Variants in PPP1R3A observed in about 807,000 individuals in gnomAD.
The protein encoded by PPP1R3A is protein phosphatase 1 regulatory subunit 3A, also known as RG1.
A neutral mutation model predicts 41.7 loss-of-function variants in PPP1R3A; 29 were observed. That is an observed-to-expected ratio of 0.70 (90% confidence interval 0.52 to 0.95). PPP1R3A has a LOEUF of 0.95. PPP1R3A is among the 40% of genes least tolerant of loss of function. PPP1R3A has a pLI of 0.00. For synonymous variants in PPP1R3A, 485 were observed against 453.4 expected (o/e 1.07, Z -0.89); for missense variants, 1,352 against 1,292.4 (o/e 1.05, Z -0.71).
At chr7:113,896,348 C>G (rs1033630226) in intron 1 of PPP1R3A, among the ~76,000 whole-genome samples, 2 of 151,686 alleles carry the variant, frequency 1.3e-5, no homozygotes, top group African/African-American at 4.8e-5. Flanking sequence ...CTCTTCAGCT[C>G]ATGGGTTTTA....
Position 113,887,476 on chromosome 7 carries a change from G to T in PPP1R3A, c.783-5156C>A, listed in dbSNP as rs143633055. On this transcript the variant is annotated intron_variant, in intron 1 of 3. Transcript: ENST00000284601. ...TCAATGAAGCTATAATGTGAAGATG[G>T]AAATAGACATATCAATAGGTAATTA... Among the ~76,000 whole-genome samples, 1,119 of 152,004 alleles carry T rather than the reference G, an allele frequency of 7.4e-3. 14 individuals carry two copies. Among genetic ancestry groups the T allele is most frequent in the African/African-American group, 0.025 (1,033 of 41,480 alleles).
intron 1 of PPP1R3A, among the ~76,000 whole-genome samples, chr7:113,917,474 A>C (rs563572740): frequency 9.9e-5 from 15 of 152,066 alleles, no homozygotes; most frequent in Admixed American, 5.9e-4. Flanking sequence ...GTTACTAATG[A>C]GGGGTCACAT....
intron 1 of PPP1R3A, among the ~76,000 whole-genome samples, chr7:113,892,836 CTT>C (rs1796916203): frequency 6.6e-6 from 1 of 151,996 alleles, no homozygotes; most frequent in South Asian, 2.1e-4. Flanking sequence ...TAAAAAATGT[CTT>C]TATATTCTTC....
At chr7:113,903,754 A>T (rs1361047407) in intron 1 of PPP1R3A, among the ~76,000 whole-genome samples, 1 of 151,714 alleles carries the variant, frequency 6.6e-6, no homozygotes, top group Admixed American at 6.6e-5. Context: ...AAAGCACAAA[A>T]TCTTCAGCCT....
chr7:113,918,383 A>G lies in PPP1R3A; in HGVS notation c.614T>C (p.Val205Ala). The change falls in exon 1 of 4, where the codon GTT (valine) becomes GCT (alanine). Residue 205 changes from valine (V) to alanine (A), a missense_variant. Coordinates refer to ENST00000284601, the MANE Select transcript of PPP1R3A (RefSeq NM_002711.4). ...VPPYQKDGSK[V>A]EFCIRYETSV... ...AGTTTCATAACGTATACAAAACTCA[A>G]CTTTACTGCCATCTTTTTGATAAGG... The G allele has an allele frequency of 3.1e-6, 5 of 1,613,478 alleles. No individual in the cohort carries two copies. Among genetic ancestry groups the G allele is most frequent in the Non-Finnish European group, 4.2e-6 (5 of 1,179,654 alleles).
At chr7:113,917,752 C>T (rs1026651845) in intron 1 of PPP1R3A, among the ~76,000 whole-genome samples, 8 of 151,928 alleles carry the variant, frequency 5.3e-5, no homozygotes, top group African/African-American at 1.9e-4. Flanking sequence ...TGAAGAAGTT[C>T]TTTGCAGCTT....
At chr7:113,891,940 G>C (rs1646783015) in intron 1 of PPP1R3A, among the ~76,000 whole-genome samples, 1 of 151,980 alleles carries the variant, frequency 6.6e-6, no homozygotes, top group Admixed American at 6.6e-5. Flanking sequence ...AAGCAGCAAA[G>C]TCTAACTCTG....
At chr7:113,888,979 C>A (rs748009798) in intron 1 of PPP1R3A, among the ~76,000 whole-genome samples, 1 of 152,152 alleles carries the variant, frequency 6.6e-6, no homozygotes, top group East Asian at 1.9e-4. Context: ...TCAAATATAA[C>A]AATAGTTCCC....
chr7:113,916,336 A>G (rs1200320271), intron 1 of PPP1R3A, among the ~76,000 whole-genome samples: 1 of 152,040 alleles, frequency 6.6e-6, no homozygotes, highest in Non-Finnish European at 1.5e-5. Flanking sequence ...TGTGAATCCA[A>G]TGATTACTGT....
intron 1 of PPP1R3A, among the ~76,000 whole-genome samples, chr7:113,894,609 G>C (rs537945694): frequency 6.6e-6 from 1 of 151,928 alleles, no homozygotes; most frequent in South Asian, 2.1e-4. Flanking sequence ...AAAATAATCA[G>C]TGTATTGTCA....
intron 1 of PPP1R3A, among the ~76,000 whole-genome samples, chr7:113,895,162 C>CT (rs1365009573): frequency 1.3e-5 from 2 of 151,940 alleles, no homozygotes; most frequent in South Asian, 2.1e-4. Flanking sequence ...CAAACTTCAA[C>CT]TTTTTTTCCC....
intron 1 of PPP1R3A, among the ~76,000 whole-genome samples, chr7:113,917,066 G>A (rs991367202): frequency 1.6e-4 from 24 of 151,984 alleles, no homozygotes; most frequent in Non-Finnish European, 2.5e-4. Context: ...ATTATTTATC[G>A]TTTAAAGCAC....
intron 3 of PPP1R3A, 125 bp from the exon 4 acceptor site, chr7:113,880,250 G>T: frequency 1.1e-6 from 1 of 934,770 alleles, no homozygotes; most frequent in Non-Finnish European, 1.6e-6. Context: ...GATTTCATTT[G>T]TGGATTTCAT....
In PPP1R3A at chr7:113,878,888, G is replaced by A. The variant is rs1364855740; in HGVS notation, c.2204C>T (p.Thr735Ile). Residue 735 changes from threonine (T) to isoleucine (I), a missense_variant, in exon 4 of 4, where the codon ACA becomes ATA. By Grantham distance (89) the Thr-to-Ile change is moderately conservative (BLOSUM62 -1). Coordinates refer to ENST00000284601, the MANE Select transcript of PPP1R3A (RefSeq NM_002711.4). ...AEAGTAYIIK[T>I]TSESTPESMS... ...GCTTTCTGGAGTACTTTCTGATGTT[G>A]TCTTAATTATATAGGCTGTACCAGC... The A allele has an allele frequency of 1.9e-6, 3 of 1,612,860 alleles. No homozygotes were observed. The highest frequency in any genetic ancestry group is 1.3e-5 in the African/African-American group (1 of 74,974).
At chr7:113,891,084 CAA>C (rs11342726) in intron 1 of PPP1R3A, among the ~76,000 whole-genome samples, 1,143 of 79,762 alleles carry the variant, frequency 0.014, 17 homozygotes, top group Middle Eastern at 0.033. Flanking sequence ...GGAAAAAAAG[CAA>C]AAAAAAAAAA....
chr7:113,917,915 T>A (rs1475066284), intron 1 of PPP1R3A, among the ~76,000 whole-genome samples: 2 of 152,134 alleles, frequency 1.3e-5, no homozygotes, highest in Non-Finnish European at 2.9e-5. Flanking sequence ...TATATGTGAA[T>A]AATCTAGATT....
intron 1 of PPP1R3A, among the ~76,000 whole-genome samples, chr7:113,905,954 C>G (rs1433220993): frequency 6.6e-6 from 1 of 151,646 alleles, no homozygotes; most frequent in African/African-American, 2.4e-5. Context: ...ATAAAGAAGG[C>G]CAAAGGCTGA....
chr7:113,908,374 C>T (rs952808090), intron 1 of PPP1R3A, among the ~76,000 whole-genome samples: 5 of 151,740 alleles, frequency 3.3e-5, no homozygotes, highest in African/African-American at 9.7e-5. Context: ...CAGAAAAAAG[C>T]GGTGCATCAA....
chr7:113,900,044 C>T (rs1448172085), intron 1 of PPP1R3A, among the ~76,000 whole-genome samples: 1 of 140,482 alleles, frequency 7.1e-6, no homozygotes, highest in Non-Finnish European at 1.6e-5. Context: ...CCTCTCCATA[C>T]TTCAATGAAT....
Sources: gnomAD v4.1 joint callset for allele counts (sites outside exome capture counted in the v4.1 genomes callset) on GRCh38, gnomAD v4.1.1 for gene constraint, MANE v1.5 for transcripts, NCBI Gene and HGNC (gene_info 2026-07-23, HGNC 2026-07-21) for gene names.